Variants in MBNL3 observed in about 807,000 individuals in gnomAD.
MBNL3 encodes muscleblind like splicing regulator 3.
Under a neutral mutation model 24.5 loss-of-function variants are expected in MBNL3, and 6 were observed. The ratio of observed to expected loss-of-function variants is 0.25; its 90% confidence interval spans 0.13 to 0.48. The LOEUF (loss-of-function observed/expected upper bound fraction) is 0.48, where lower values mean the gene tolerates loss of function less well. MBNL3 is among the 20% of genes least tolerant of loss of function. The pLI is 0.99. For missense variants in MBNL3, 230 were observed against 293.5 expected, an observed-to-expected ratio of 0.78 and a Z score of 1.58; for synonymous variants, 100 against 101.7, an observed-to-expected ratio of 0.98 and a Z score of 0.10.
chrX:132,481,667 C>T (rs1325483543), intron 1 of MBNL3, among the ~76,000 whole-genome samples: 1 of 111,940 alleles, frequency 8.9e-6, no homozygotes, highest in Non-Finnish European at 1.9e-5. Context: ...TGATCACACT[C>T]TTCACAAAAT....
rs560954514 is a variant in MBNL3, at chrX:132,383,140, G to A, written c.959-868C>T. On this transcript the variant is annotated intron_variant, in intron 7 of 8. Coordinates refer to ENST00000370853, the MANE Select transcript of MBNL3 (RefSeq NM_001386889.1). Reference sequence around the variant, plus strand: ...AATTAATGTGTGAATGGCAATGTGTGAATGGCAAGCATGCATATGTAATAA... The same window carrying A: ...AATTAATGTGTGAATGGCAATGTGTAAATGGCAAGCATGCATATGTAATAA... 4.5e-5 allele frequency among the ~76,000 whole-genome samples: 5 copies of A among 112,241 alleles called. No individual in the cohort carries two copies. The South Asian group carries it at 1.1e-3, about 25-fold the overall frequency.
At chrX:132,400,249 T>C (rs1603178599) in intron 3 of MBNL3, among the ~76,000 whole-genome samples, 1 of 111,497 alleles carries the variant, frequency 9.0e-6, no homozygotes, top group East Asian at 2.8e-4. Context: ...AAAGAAGATA[T>C]CATGTACAAG....
intron 1 of MBNL3, among the ~76,000 whole-genome samples, chrX:132,449,612 C>T (rs771798898): frequency 9.2e-6 from 1 of 108,559 alleles, no homozygotes; most frequent in Admixed American, 9.9e-5. Context: ...TCCAATTTGC[C>T]AGTCTGTGTC....
intron 1 of MBNL3, among the ~76,000 whole-genome samples, chrX:132,488,374 A>G (rs149197268): frequency 0.016 from 1,800 of 111,172 alleles, 34 homozygotes; most frequent in African/African-American, 0.056. Context: ...TGAGTGTTAA[A>G]AACTAAAGTT....
At chrX:132,398,085 A>G (rs770167782) in intron 3 of MBNL3, among the ~76,000 whole-genome samples, 1 of 111,742 alleles carries the variant, frequency 8.9e-6, no homozygotes, top group Non-Finnish European at 1.9e-5. Context: ...CTAGACCTGG[A>G]TTTTCTGATC....
intron 2 of MBNL3, among the ~76,000 whole-genome samples, chrX:132,413,199 A>T (rs1452597440): frequency 9.0e-6 from 1 of 111,335 alleles, no homozygotes; most frequent in Non-Finnish European, 1.9e-5. Flanking sequence ...ACTTGCCACA[A>T]CGATTTAGAA....
intron 1 of MBNL3, among the ~76,000 whole-genome samples, chrX:132,466,485 A>C (rs1400162236): frequency 1.8e-5 from 2 of 112,558 alleles, no homozygotes; most frequent in Non-Finnish European, 3.7e-5. Context: ...AAAGTGTAGC[A>C]AACAATTGCT....
intron 2 of MBNL3, among the ~76,000 whole-genome samples, chrX:132,422,962 C>A (rs773804276): frequency 1.8e-5 from 2 of 111,742 alleles, no homozygotes; most frequent in Non-Finnish European, 3.8e-5. Flanking sequence ...AACCCCTGCT[C>A]TAAGGGAATA....
chrX:132,436,211 T>C (rs955075096), intron 2 of MBNL3, among the ~76,000 whole-genome samples: 2 of 111,745 alleles, frequency 1.8e-5, no homozygotes, highest in African/African-American at 6.5e-5. Context: ...ACCAACATGA[T>C]ATGAGACCAT....
chrX:132,372,527 GA>G lies in MBNL3; in HGVS notation c.*7138del, dbSNP rs770767097. 9.3e-6 allele frequency: 1 copy of G among 107,586 alleles called. No homozygotes were observed. The highest frequency in any genetic ancestry group is 3.3e-5 in the African/African-American group (1 of 29,989). The allele number at this position is 107,586 out of a possible 1,213,427, so 8.9% of individuals were successfully genotyped here. On this transcript the variant is annotated 3_prime_UTR_variant, in exon 9 of 9. Transcript: ENST00000370853. ...AAATATTAATAAATAAGTTTATTTT[GA>G]AAAGGGCATTCATTCCCATAATCCA... is the stretch of plus-strand genomic sequence containing the variant.
chrX:132,382,024 A>G (rs921175816), intron 8 of MBNL3, among the ~76,000 whole-genome samples, 154 bp downstream of exon 8: 1 of 112,457 alleles, frequency 8.9e-6, no homozygotes, highest in African/African-American at 3.2e-5. Flanking sequence ...CAAAGCACAT[A>G]TAGCATTCTA....
At chrX:132,489,698 CCGCGGGCCAGCGGAG>C (rs1199782232), upstream of MBNL3, 1 of 25,747 alleles carries the variant, frequency 3.9e-5, no homozygotes, top group Non-Finnish European at 6.8e-5. Context: ...CCGCGAAACT[CCGCGGGCCAGCGGAG>C]CGCGGGCGGG....
In MBNL3 at chrX:132,378,817, G is replaced by C. The variant is rs1237864454; in HGVS notation, c.*849C>G. 8.9e-6 allele frequency: 1 copy of C among 111,843 alleles called. No individual in the cohort carries two copies. Among genetic ancestry groups the C allele is most frequent in the Non-Finnish European group, 1.9e-5 (1 of 53,131 alleles). 9.2% of individuals were successfully genotyped at this position (111,843 alleles called of 1,213,427 possible). Reference sequence around the variant, plus strand: ...TTCATTTAAAGGTAAAGTCTTATTTGCCAAGCTATTTAAGAAGAGTGAATT... The same window carrying C: ...TTCATTTAAAGGTAAAGTCTTATTTCCCAAGCTATTTAAGAAGAGTGAATT... On this transcript the variant is annotated 3_prime_UTR_variant, in exon 9 of 9. Transcript: ENST00000370853.
chrX:132,450,426 C>G (rs1946036958), intron 1 of MBNL3, among the ~76,000 whole-genome samples: 1 of 111,774 alleles, frequency 8.9e-6, no homozygotes, highest in Admixed American at 9.5e-5. Flanking sequence ...TCTTCAATCT[C>G]TGATATCCTT....
At chrX:132,420,823 A>G (rs1206799020) in intron 2 of MBNL3, among the ~76,000 whole-genome samples, 1 of 111,700 alleles carries the variant, frequency 9.0e-6, no homozygotes, top group Non-Finnish European at 1.9e-5. Context: ...AAGTGACTAG[A>G]CAACTGAAGA....
At chrX:132,410,304 T>G (rs1942544828) in intron 2 of MBNL3, among the ~76,000 whole-genome samples, 1 of 111,662 alleles carries the variant, frequency 9.0e-6, no homozygotes, top group Non-Finnish European at 1.9e-5. Flanking sequence ...AGACTTCCCA[T>G]GCACTGGGTG....
rs141146347 is a variant in MBNL3 at position 132,370,530 on chromosome X, A to G, written c.*9136T>C. On this transcript the variant is annotated 3_prime_UTR_variant, in exon 9 of 9. Coordinates refer to ENST00000370853, the MANE Select transcript of MBNL3 (RefSeq NM_001386889.1). ...GCCTAGAAGTTTGCTTAAGTAAAAC[A>G]TATTTCCCTTATCTATGCATGTAGG... The G allele has an allele frequency of 8.9e-6, 1 of 112,230 alleles. No individual in the cohort carries two copies. Among genetic ancestry groups the G allele is most frequent in the African/African-American group, 3.2e-5 (1 of 30,952 alleles). 9.2% of individuals were successfully genotyped at this position (112,230 alleles called of 1,213,427 possible).
At chrX:132,481,831 T>C (rs1947756034) in intron 1 of MBNL3, among the ~76,000 whole-genome samples, 1 of 111,521 alleles carries the variant, frequency 9.0e-6, no homozygotes, top group South Asian at 3.8e-4. Flanking sequence ...GTTGCTGCAC[T>C]GAATCTCAGC....
Position 132,439,780 on chromosome X carries a change from T to G in MBNL3, c.-169A>C, listed in dbSNP as rs913037698. ...TTCATTAAAGTCAAATCTGGTCTAGTCAAACAAAAAGCCAATCATAAAAAC... is the reference window on the plus strand; with the variant it reads ...TTCATTAAAGTCAAATCTGGTCTAGGCAAACAAAAAGCCAATCATAAAAAC... On this transcript the variant is annotated 5_prime_UTR_variant, in exon 2 of 9. Coordinates refer to ENST00000370853, the MANE Select transcript of MBNL3 (RefSeq NM_001386889.1). 2 of 747,484 alleles carry G rather than the reference T, an allele frequency of 2.7e-6. No individual in the cohort carries two copies. Among genetic ancestry groups the G allele is most frequent in the African/African-American group, 4.5e-5 (2 of 44,885 alleles). The allele number at this position is 747,484 out of a possible 1,213,427, so 61.6% of individuals were successfully genotyped here. A position where few individuals can be genotyped will look rare whatever the true frequency, so the allele number is the denominator to read the frequency against.
Sources: allele counts gnomAD v4.1 joint callset (sites outside exome capture counted in the v4.1 genomes callset), GRCh38; gene constraint gnomAD v4.1.1; transcripts MANE v1.5; gene names NCBI Gene and HGNC (gene_info 2026-07-23, HGNC 2026-07-21).